The following CCDC12 variants were observed in gnomAD, a reference collection of about 807,000 sequenced individuals.
CCDC12 encodes the protein coiled-coil domain-containing protein 12.
In CCDC12, 28 loss-of-function variants were observed where a neutral mutation model predicts 25.7. The ratio of observed to expected loss-of-function variants is 1.09; its 90% CI spans 0.81 to 1.50. CCDC12 has a LOEUF of 1.50. Ranked by LOEUF, CCDC12 falls within the 40% of genes most tolerant of loss-of-function variation. The pLI is 0.00. For synonymous variants in CCDC12, 75 were observed against 87.7 expected (o/e 0.86, Z 0.81); for missense variants, 198 against 210.0 (o/e 0.94, Z 0.35).
At chr3:46,930,147 C>T (rs2107114353) in intron 2 of CCDC12, among the ~76,000 whole-genome samples, 1 of 151,718 alleles carries the variant, frequency 6.6e-6, no homozygotes, top group Admixed American at 6.5e-5. Context: ...ATAGCTGGGA[C>T]TACAGGCATG....
intron 3 of CCDC12, 90 bp from the exon 4 acceptor site, chr3:46,923,758 G>A (rs955190472): frequency 4.2e-5 from 47 of 1,128,448 alleles, no homozygotes; most frequent in African/African-American, 2.2e-4. Flanking sequence ...AGGGAGAGAC[G>A]GGACCCCAGG....
chr3:46,977,654 A>C (rs1208325767), upstream of CCDC12, among the ~76,000 whole-genome samples: 1 of 152,084 alleles, frequency 6.6e-6, no homozygotes, highest in Non-Finnish European at 1.5e-5. Context: ...GGGGGACCTG[A>C]CTGTATGGCT....
chr3:46,929,382 C>G (rs1283488439), intron 2 of CCDC12, among the ~76,000 whole-genome samples: 1 of 152,258 alleles, frequency 6.6e-6, no homozygotes, highest in Non-Finnish European at 1.5e-5. Flanking sequence ...CAGGTCCAGG[C>G]TGCTATCCTA....
intron 3 of CCDC12, chr3:46,924,002 A>C: frequency 8.6e-6 from 2 of 233,650 alleles, no homozygotes; most frequent in Admixed American, 5.7e-5. Flanking sequence ...TTCTCACATA[A>C]TCCCAGGGCT....
At chr3:46,957,960 T>TACACACACACAC (rs367926661) in intron 1 of CCDC12, among the ~76,000 whole-genome samples, 9,271 of 64,410 alleles carry the variant, frequency 0.14, 528 homozygotes, top group Non-Finnish European at 0.19. Flanking sequence ...AAAAAATAAA[T>TACACACACACAC]ACACACACAC....
At chr3:46,980,062 A>G (rs1489551670), upstream of CCDC12, 1 of 157,934 alleles carries the variant, frequency 6.3e-6, no homozygotes, top group Non-Finnish European at 1.4e-5. Flanking sequence ...CCGGCTCCGC[A>G]CACACGTGTG....
intron 1 of CCDC12, among the ~76,000 whole-genome samples, chr3:46,951,153 A>G (rs2034101143): frequency 6.6e-6 from 1 of 152,138 alleles, no homozygotes; most frequent in South Asian, 2.1e-4. Context: ...TAAAAATTAA[A>G]ATAAAAAAAT....
intron 1 of CCDC12, among the ~76,000 whole-genome samples, chr3:46,975,841 ATTTTT>A (rs11356624): frequency 7.0e-4 from 49 of 70,378 alleles, no homozygotes; most frequent in African/African-American, 2.6e-3. Flanking sequence ...TTTATTTTCG[ATTTTT>A]TTTTTTTTTT....
Position 46,976,636 on chromosome 3 carries a change from C to T in CCDC12, c.96+1G>A. 2 of 1,610,170 alleles carry T rather than the reference C, an allele frequency of 1.2e-6. No homozygotes were observed. The highest frequency in any genetic ancestry group is 1.1e-5 in the South Asian group (1 of 90,222). ...TGCGACCCTCACTCCACACTTCTCACCTTGCGCCCGGTTTTCTCCCGTAGG... is the reference window on the plus strand; with the variant it reads ...TGCGACCCTCACTCCACACTTCTCATCTTGCGCCCGGTTTTCTCCCGTAGG... On this transcript the variant is annotated splice_donor_variant, in intron 1 of 6. Coordinates refer to ENST00000683445, the MANE Select transcript of CCDC12 (RefSeq NM_001277074.2). LOFTEE classifies it high-confidence loss of function.
upstream of CCDC12, chr3:46,979,848 A>C (rs1270896174): frequency 3.8e-5 from 17 of 450,658 alleles, no homozygotes; most frequent in African/African-American, 6.2e-5. Context: ...GCAGGGCCGG[A>C]GCCGGGCCGG....
intron 1 of CCDC12, among the ~76,000 whole-genome samples, chr3:46,944,198 T>C (rs539936568): frequency 6.6e-6 from 1 of 152,222 alleles, no homozygotes; most frequent in Non-Finnish European, 1.5e-5. Context: ...AAGGAAAAGA[T>C]TTGTCCAAAG....
intron 2 of CCDC12, among the ~76,000 whole-genome samples, chr3:46,932,770 C>T (rs1024084409): frequency 1.1e-4 from 17 of 152,336 alleles, no homozygotes; most frequent in African/African-American, 4.8e-5. Context: ...CCTGAAACCA[C>T]AGGCCAGAAA....
chr3:46,958,581 T>C (rs945423938), intron 1 of CCDC12, among the ~76,000 whole-genome samples: 1 of 152,202 alleles, frequency 6.6e-6, no homozygotes, highest in Non-Finnish European at 1.5e-5. Context: ...TCGGTTTGGT[T>C]CTGGAACAAA....
At chr3:46,957,041 T>C (rs747792753) in intron 1 of CCDC12, among the ~76,000 whole-genome samples, 5 of 152,098 alleles carry the variant, frequency 3.3e-5, no homozygotes, top group Non-Finnish European at 7.3e-5. Flanking sequence ...AGCTCCACCT[T>C]GAGTCTTGGG....
intron 1 of CCDC12, among the ~76,000 whole-genome samples, chr3:46,944,629 C>T (rs2033836077): frequency 6.6e-6 from 1 of 152,092 alleles, no homozygotes; most frequent in Non-Finnish European, 1.5e-5. Context: ...TCTACCACCT[C>T]CTTAGCTCCC....
Position 46,923,430 on chromosome 3 carries a change from G to A in CCDC12, c.307-67C>T, listed in dbSNP as rs181182805. ...CCAGGACAAGGGGGAGGGCAGGCTC[G>A]AGAAGGAGGGAAATGGGAGAAAGAG... is the stretch of plus-strand genomic sequence containing the variant. On this transcript the variant is annotated intron_variant, in intron 4 of 6. Transcript: ENST00000683445. 9,234 of 1,549,634 alleles carry A rather than the reference G, an allele frequency of 6.0e-3. 41 individuals carry two copies. The highest frequency in any genetic ancestry group is 7.1e-3 in the Non-Finnish European group (8,065 of 1,138,312).
At chr3:46,954,131 CA>C (rs2034214855) in intron 1 of CCDC12, among the ~76,000 whole-genome samples, 1 of 152,156 alleles carries the variant, frequency 6.6e-6, no homozygotes, top group Non-Finnish European at 1.5e-5. Flanking sequence ...GAATCAGGCA[CA>C]GGGGGCCCAC....
chr3:46,971,351 T>G (rs1032314004), intron 1 of CCDC12, among the ~76,000 whole-genome samples: 3 of 152,220 alleles, frequency 2.0e-5, no homozygotes, highest in African/African-American at 7.2e-5. Flanking sequence ...CAGAATCCCC[T>G]TCCCCCAGGG....
At position 46,922,048 on chromosome 3, in the gene CCDC12, G is replaced by A. The variant is rs755397407; in HGVS notation, c.*9C>T. On this transcript the variant is annotated 3_prime_UTR_variant, in exon 7 of 7. Transcript: ENST00000683445. ...GGCCTGATGGGCGAGTGGTGGGGCA[G>A]GGCATGCCTCAGTCGGAGTCACAGG... 3.1e-6 allele frequency: 5 copies of A among 1,613,574 alleles called. No individual in the cohort carries two copies. Among genetic ancestry groups the A allele is most frequent in the African/African-American group, 2.7e-5 (2 of 75,064 alleles).
Sources: gnomAD v4.1 joint callset for allele counts (sites outside exome capture counted in the v4.1 genomes callset) on GRCh38, gnomAD v4.1.1 for gene constraint, MANE v1.5 for transcripts, NCBI Gene and HGNC (gene_info 2026-07-23, HGNC 2026-07-21) for gene names.